SPOCK3: variants seen among roughly 807,000 people sequenced by gnomAD.
SPOCK3 encodes SPARC (osteonectin), cwcv and kazal like domains proteoglycan 3.
SPOCK3 carries 30 observed loss-of-function variants against 56.6 expected under a neutral mutation model. The observed-to-expected ratio is 0.53, with a 90% confidence interval of 0.40 to 0.72. The LOEUF is 0.72. Among genes scored for constraint, SPOCK3 ranks in the 30% least tolerant of loss-of-function variants. SPOCK3 has a pLI of 0.00. For missense variants in SPOCK3, 527 were observed against 530.0 expected, an observed-to-expected ratio of 0.99 and a Z score of 0.06; for synonymous variants, 196 against 183.3, an observed-to-expected ratio of 1.07 and a Z score of -0.56.
chr4:166,985,573 C>T (rs1747061187), intron 4 of SPOCK3, among the ~76,000 whole-genome samples: 3 of 152,082 alleles, frequency 2.0e-5, no homozygotes, highest in Non-Finnish European at 4.4e-5. Flanking sequence ...AAAAGTATCA[C>T]AATAATAATC....
intron 2 of SPOCK3, among the ~76,000 whole-genome samples, chr4:167,209,783 CA>C (rs983143150): frequency 2.6e-5 from 4 of 151,998 alleles, no homozygotes; most frequent in South Asian, 4.2e-4. Context: ...TTACAATATA[CA>C]AAAAAAATTT....
intron 2 of SPOCK3, among the ~76,000 whole-genome samples, chr4:167,082,189 C>G (rs1175075802): frequency 1.3e-5 from 2 of 152,064 alleles, no homozygotes; most frequent in South Asian, 4.1e-4. Flanking sequence ...TTGAAATCCC[C>G]TAGTCAGGAA....
intron 5 of SPOCK3, 151 bp downstream of exon 5, chr4:166,912,469 T>C: frequency 1.2e-6 from 1 of 841,228 alleles, no homozygotes; most frequent in Admixed American, 3.0e-5. Context: ...AAATGCACAT[T>C]GAATCATATT....
intron 5 of SPOCK3, among the ~76,000 whole-genome samples, chr4:166,895,814 A>T (rs991289411): frequency 6.6e-6 from 1 of 152,224 alleles, no homozygotes; most frequent in Non-Finnish European, 1.5e-5. Context: ...TAAATGAGAA[A>T]GATGGGCAAG....
chr4:166,838,233 T>C (rs1047529725), intron 6 of SPOCK3, among the ~76,000 whole-genome samples: 2 of 152,168 alleles, frequency 1.3e-5, no homozygotes, highest in Non-Finnish European at 2.9e-5. Context: ...CATTTTCCAC[T>C]GTTATTTTCT....
intron 6 of SPOCK3, among the ~76,000 whole-genome samples, chr4:166,879,505 TA>T (rs926970740): frequency 1.3e-5 from 2 of 151,874 alleles, no homozygotes; most frequent in African/African-American, 2.4e-5. Flanking sequence ...ACTTTGTCTC[TA>T]AAAAAAAGTG....
chr4:167,098,232 A>C (rs1293768458), intron 2 of SPOCK3, among the ~76,000 whole-genome samples: 1 of 152,038 alleles, frequency 6.6e-6, no homozygotes, highest in African/African-American at 2.4e-5. Context: ...AGAACCAAGA[A>C]GGAATCTTTC....
At chr4:167,055,884 A>C (rs1754770900) in intron 3 of SPOCK3, among the ~76,000 whole-genome samples, 1 of 152,170 alleles carries the variant, frequency 6.6e-6, no homozygotes, top group Non-Finnish European at 1.5e-5. Flanking sequence ...GGCACAGACA[A>C]ACAAAAAGAC....
chr4:167,143,004 G>C (rs1763658486), intron 2 of SPOCK3, among the ~76,000 whole-genome samples: 1 of 151,830 alleles, frequency 6.6e-6, no homozygotes, highest in South Asian at 2.1e-4. Flanking sequence ...CATGTATTTA[G>C]AAATATAGAG....
intron 3 of SPOCK3, among the ~76,000 whole-genome samples, chr4:167,032,171 C>A (rs957392414): frequency 4.6e-5 from 7 of 151,792 alleles, no homozygotes; most frequent in South Asian, 2.1e-4. Context: ...GATTTTAGGG[C>A]AGGATTTTGT....
At chr4:166,762,176 A>G (rs893219318) in intron 7 of SPOCK3, among the ~76,000 whole-genome samples, 1 of 152,146 alleles carries the variant, frequency 6.6e-6, no homozygotes, top group African/African-American at 2.4e-5. Context: ...GTAAACATGA[A>G]TTCCTTATTT....
At chr4:166,897,255 T>A (rs1735492660) in intron 5 of SPOCK3, among the ~76,000 whole-genome samples, 2 of 152,084 alleles carry the variant, frequency 1.3e-5, no homozygotes, top group African/African-American at 4.8e-5. Context: ...TTGTGTAGTG[T>A]TGGGGGACAA....
intron 4 of SPOCK3, among the ~76,000 whole-genome samples, chr4:166,960,132 A>G (rs1743984359): frequency 6.6e-6 from 1 of 152,198 alleles, no homozygotes; most frequent in African/African-American, 2.4e-5. Context: ...TTTGATTTGA[A>G]AAGTAAAATC....
intron 7 of SPOCK3, among the ~76,000 whole-genome samples, chr4:166,770,627 G>T (rs1490824019): frequency 6.6e-6 from 1 of 152,024 alleles, no homozygotes; most frequent in Non-Finnish European, 1.5e-5. Context: ...GAAAATAACA[G>T]CAATAAAATA....
chr4:166,987,226 A>G (rs1161739567), intron 4 of SPOCK3, among the ~76,000 whole-genome samples: 1 of 152,122 alleles, frequency 6.6e-6, no homozygotes, highest in Non-Finnish European at 1.5e-5. Flanking sequence ...GGAACATGCC[A>G]AGTCCGTTTC....
chr4:166,893,726 A>T (rs1480618680), intron 5 of SPOCK3, among the ~76,000 whole-genome samples: 1 of 152,176 alleles, frequency 6.6e-6, no homozygotes, highest in African/African-American at 2.4e-5. Flanking sequence ...AAAACAAATC[A>T]GAAAATATGG....
At chr4:166,790,610 TCATGGAATTTATTGACA>T (rs769286361) in intron 7 of SPOCK3, among the ~76,000 whole-genome samples, 12 of 152,194 alleles carry the variant, frequency 7.9e-5, no homozygotes, top group South Asian at 6.2e-4. Context: ...TTAGAGAGTC[TCATGGAATTTATTGACA>T]CATGGAATTT....
chr4:167,089,127 T>C (rs1035923420), intron 2 of SPOCK3, among the ~76,000 whole-genome samples: 9 of 152,000 alleles, frequency 5.9e-5, no homozygotes, highest in Admixed American at 2.0e-4. Flanking sequence ...AAAATAAAGA[T>C]TAAAAATAAG....
At chr4:166,756,206 C>G (rs1361477016) in intron 7 of SPOCK3, among the ~76,000 whole-genome samples, 1 of 16,266 alleles carries the variant, frequency 6.1e-5, no homozygotes, top group African/African-American at 3.0e-4. Context: ...CACCACGAGA[C>G]TATATCCCAC....
Sources: allele counts gnomAD v4.1 joint callset (sites outside exome capture counted in the v4.1 genomes callset), GRCh38; gene constraint gnomAD v4.1.1; transcripts MANE v1.5; gene names NCBI Gene and HGNC (gene_info 2026-07-23, HGNC 2026-07-21).